Variants in DRC11 observed in about 807,000 individuals in gnomAD.
DRC11 encodes the protein IQ and AAA domain-containing protein 1.
chr2:236,442,998 C>G, the DRC11 span, among the ~76,000 whole-genome samples: 3 of 152,144 alleles, frequency 2.0e-5, no homozygotes, highest in Non-Finnish European at 4.4e-5. Flanking sequence ...CCTTAACCCC[C>G]TCACAGGTGT....
the DRC11 span, chr2:236,494,024 G>A: frequency 1.9e-3 from 1,221 of 643,768 alleles, 3 homozygotes; most frequent in Middle Eastern, 4.0e-3. The surrounding 1 kb of genome is among the most constrained non-coding windows in gnomAD (Gnocchi z 4.2). Context: ...AAAAAAAAAT[G>A]AGGCCAGCGG....
the DRC11 span, among the ~76,000 whole-genome samples, chr2:236,491,213 C>CACAAAGTATATATATATATATATATAT: frequency 3.1e-5 from 1 of 32,776 alleles, no homozygotes; most frequent in Admixed American, 4.3e-4. Context: ...TATATATATA[C>CACAAAGTATATATATATATATATATAT]ACACAGTATA....
At chr2:236,403,148 C>T in the DRC11 span, among the ~76,000 whole-genome samples, 1 of 151,748 alleles carries the variant, frequency 6.6e-6, no homozygotes, top group Non-Finnish European at 1.5e-5. Flanking sequence ...AGGGGGAGGG[C>T]TCCAGGGAAG....
the DRC11 span, chr2:236,487,888 T>C: frequency 1.7e-6 from 1 of 594,656 alleles, no homozygotes; most frequent in Admixed American, 4.0e-5. Context: ...AATCTAGTTC[T>C]ATTAAGGGTA....
the DRC11 span, chr2:236,392,008 G>T: frequency 6.2e-7 from 1 of 1,613,882 alleles, no homozygotes; most frequent in Non-Finnish European, 8.5e-7. This position sits in a 1 kb window ranked among gnomAD's most constrained non-coding sequence, Gnocchi z 5.1. Context: ...TTCACTGGGC[G>T]CTCCCTTTCT....
At chr2:236,486,919 T>A in the DRC11 span, 42 of 1,573,096 alleles carry the variant, frequency 2.7e-5, no homozygotes, top group Non-Finnish European at 3.6e-5. The surrounding 1 kb of genome is among the most constrained non-coding windows in gnomAD (Gnocchi z 5.7). Context: ...AAATAAATGG[T>A]TACTTGTTTA....
chr2:236,464,398 G>A, the DRC11 span, among the ~76,000 whole-genome samples: 3 of 152,074 alleles, frequency 2.0e-5, no homozygotes, highest in Non-Finnish European at 4.4e-5. Flanking sequence ...TATGGCTCCT[G>A]GGACTGATCA....
At chr2:236,350,749 C>T in the DRC11 span, among the ~76,000 whole-genome samples, 3 of 152,220 alleles carry the variant, frequency 2.0e-5, no homozygotes, top group Non-Finnish European at 2.9e-5. The surrounding 1 kb of genome is among the most constrained non-coding windows in gnomAD (Gnocchi z 5.2). Flanking sequence ...CTACCTGATC[C>T]GCTACCATCT....
chr2:236,502,550 A>G, the DRC11 span, among the ~76,000 whole-genome samples: 1 of 108,926 alleles, frequency 9.2e-6, no homozygotes, highest in African/African-American at 4.6e-5. Context: ...CACTCCAGCA[A>G]AAAAAAAAAA....
chr2:236,504,718 G>A, the DRC11 span, among the ~76,000 whole-genome samples: 7 of 152,276 alleles, frequency 4.6e-5, no homozygotes, highest in Admixed American at 4.6e-4. The surrounding 1 kb of genome is among the most constrained non-coding windows in gnomAD (Gnocchi z 5.0). Context: ...CCAGTGGGAG[G>A]TAACTGAATC....
chr2:236,464,453 T>C, the DRC11 span, among the ~76,000 whole-genome samples: 3 of 152,152 alleles, frequency 2.0e-5, no homozygotes, highest in Admixed American at 2.0e-4. Flanking sequence ...TAAAATTGAT[T>C]TAAAATCTCT....
At chr2:236,324,573 C>A in the DRC11 span, 29 of 654,538 alleles carry the variant, frequency 4.4e-5, no homozygotes, top group South Asian at 4.7e-4. This position sits in a 1 kb window ranked among gnomAD's most constrained non-coding sequence, Gnocchi z 5.7. Flanking sequence ...CTTCTTCAGG[C>A]GGGCAATGGT....
chr2:236,367,462 T>C, the DRC11 span: 1 of 151,900 alleles, frequency 6.6e-6, no homozygotes, highest in Admixed American at 6.6e-5. The surrounding 1 kb of genome is among the most constrained non-coding windows in gnomAD (Gnocchi z 4.8). Flanking sequence ...ACTACTCCCA[T>C]CTCATTTTAA....
chr2:236,453,527 G>A, the DRC11 span, among the ~76,000 whole-genome samples: 647 of 152,288 alleles, frequency 4.2e-3, 7 homozygotes, highest in African/African-American at 0.015. This position sits in a 1 kb window ranked among gnomAD's most constrained non-coding sequence, Gnocchi z 4.9. Flanking sequence ...CCGCAGATGC[G>A]TTAAGTACTG....
At chr2:236,380,643 A>G in the DRC11 span, 3 of 1,534,818 alleles carry the variant, frequency 2.0e-6, no homozygotes, top group East Asian at 4.9e-5. The surrounding 1 kb of genome is among the most constrained non-coding windows in gnomAD (Gnocchi z 4.9). Flanking sequence ...TCTTCTTTGG[A>G]AAAAAAGGAA....
At chr2:236,418,720 T>TA in the DRC11 span, among the ~76,000 whole-genome samples, 1 of 152,258 alleles carries the variant, frequency 6.6e-6, no homozygotes, top group Non-Finnish European at 1.5e-5. Context: ...TATCCAGATG[T>TA]CAGCGCTAGA....
the DRC11 span, among the ~76,000 whole-genome samples, chr2:236,416,718 TA>T: frequency 7.7e-5 from 5 of 64,894 alleles, no homozygotes; most frequent in Non-Finnish European, 1.2e-4. Context: ...CATATATATA[TA>T]TTTATATATA....
the DRC11 span, among the ~76,000 whole-genome samples, chr2:236,500,186 C>T: frequency 2.6e-5 from 4 of 152,092 alleles, no homozygotes; most frequent in Non-Finnish European, 1.5e-5. The surrounding 1 kb of genome is among the most constrained non-coding windows in gnomAD (Gnocchi z 6.3). Flanking sequence ...TGTAATAACT[C>T]GTGTAATCCT....
chr2:236,331,820 T>G, the DRC11 span: 1 of 529,806 alleles, frequency 1.9e-6, no homozygotes, highest in African/African-American at 1.9e-5. The surrounding 1 kb of genome is among the most constrained non-coding windows in gnomAD (Gnocchi z 4.8). Flanking sequence ...GGTCTATAGA[T>G]CCACAAGTGC....
Sources: allele counts gnomAD v4.1 joint callset (sites outside exome capture counted in the v4.1 genomes callset), GRCh38; gene constraint gnomAD v4.1.1; non-coding constraint Gnocchi (gnomAD v3.1); transcripts MANE v1.5; gene names NCBI Gene and HGNC (gene_info 2026-07-23, HGNC 2026-07-21).